Variants in NPSR1 observed in about 807,000 individuals in gnomAD.
The protein encoded by NPSR1 is neuropeptide S receptor.
Under a neutral mutation model 46.9 loss-of-function variants are expected in NPSR1, and 48 were observed. The observed-to-expected ratio is 1.02, with a 90% confidence interval of 0.81 to 1.30. NPSR1 has a LOEUF of 1.30. Among genes scored for constraint, NPSR1 ranks in the 50% most tolerant of loss-of-function variants. NPSR1 has a pLI of 0.00. For missense variants in NPSR1, 450 were observed against 449.5 expected (o/e 1.00, Z -0.01); for synonymous variants, 176 against 168.1 (o/e 1.05, Z -0.36).
chr7:34,708,457 T>C (rs1794217940), intron 2 of NPSR1, among the ~76,000 whole-genome samples: 1 of 152,166 alleles, frequency 6.6e-6, no homozygotes, highest in South Asian at 2.1e-4. Context: ...ACAGGTAAGA[T>C]GGATACTTCA....
chr7:34,781,387 T>C (rs1205660850), intron 3 of NPSR1, among the ~76,000 whole-genome samples: 1 of 152,054 alleles, frequency 6.6e-6, no homozygotes, highest in Non-Finnish European at 1.5e-5. Flanking sequence ...CAAGGGCCCA[T>C]TAAAGAATTT....
intron 3 of NPSR1, among the ~76,000 whole-genome samples, chr7:34,782,917 A>G (rs1035494806): frequency 2.0e-5 from 3 of 152,152 alleles, no homozygotes; most frequent in Admixed American, 6.6e-5. Context: ...AAAACAAAGA[A>G]TTAAAGAGAG....
At chr7:34,814,728 C>CA (rs1278554197) in intron 4 of NPSR1, among the ~76,000 whole-genome samples, 1 of 152,188 alleles carries the variant, frequency 6.6e-6, no homozygotes, top group East Asian at 1.9e-4. Flanking sequence ...TGCTGTTCTG[C>CA]AATATTTGCT....
chr7:34,746,542 G>C (rs1457076670), intron 2 of NPSR1, among the ~76,000 whole-genome samples: 1 of 152,166 alleles, frequency 6.6e-6, no homozygotes, highest in African/African-American at 2.4e-5. Context: ...ATCCCTCACA[G>C]ATAAGGGGAG....
intron 2 of NPSR1, among the ~76,000 whole-genome samples, chr7:34,761,846 T>C (rs1277782346): frequency 6.6e-6 from 1 of 152,224 alleles, no homozygotes; most frequent in South Asian, 2.1e-4. Context: ...CATGCTACCA[T>C]GCCTCAAGAA....
At chr7:34,685,631 C>T (rs150140014) in intron 2 of NPSR1, 250 of 370,166 alleles carry the variant, frequency 6.8e-4, no homozygotes, top group African/African-American at 5.2e-3. Context: ...GGTAGTGGAG[C>T]TCTTTAGAAT....
At chr7:34,833,386 T>G (rs1216849698) in intron 5 of NPSR1, among the ~76,000 whole-genome samples, 5 of 152,176 alleles carry the variant, frequency 3.3e-5, no homozygotes, top group African/African-American at 1.2e-4. Context: ...TAGGCACAGA[T>G]TAAATCATGT....
At chr7:34,751,147 G>T in intron 2 of NPSR1, 1 of 917,142 alleles carries the variant, frequency 1.1e-6, no homozygotes, top group Non-Finnish European at 1.8e-6. Flanking sequence ...TGGCTGAGCA[G>T]GGTCCTGAAG....
At chr7:34,824,742 C>A (rs935879374) in intron 4 of NPSR1, among the ~76,000 whole-genome samples, 4 of 152,120 alleles carry the variant, frequency 2.6e-5, no homozygotes, top group Non-Finnish European at 5.9e-5. Context: ...ACACGTTGCC[C>A]TTAAGAGTGC....
intron 3 of NPSR1, among the ~76,000 whole-genome samples, chr7:34,803,719 G>A (rs325455): frequency 0.48 from 71,195 of 147,196 alleles, 17,261 homozygotes; most frequent in East Asian, 0.55. Context: ...AAGTATAATA[G>A]TAATAAAATA....
In NPSR1 at chr7:34,658,545, T is replaced by C; in HGVS notation, c.133T>C (p.Tyr45His). ...GGAAGGAAAGGAATGGGGTTCCTTCTACTACTCCTTTAAGGTAAGTTTCTT... is the reference window on the plus strand; with the variant it reads ...GGAAGGAAAGGAATGGGGTTCCTTCCACTACTCCTTTAAGGTAAGTTTCTT... ...VVEGKEWGSF[Y>H]YSFKTEQLIT... The change falls in exon 1 of 9, where the codon TAC becomes CAC. Residue 45 changes from tyrosine (Y) to histidine (H), a missense_variant. Transcript: ENST00000360581. The C allele has an allele frequency of 6.2e-6, 10 of 1,614,042 alleles. No individual in the cohort carries two copies. The highest frequency in any genetic ancestry group is 8.5e-6 in the Non-Finnish European group (10 of 1,179,872).
At chr7:34,692,626 T>C (rs1369230040) in intron 2 of NPSR1, among the ~76,000 whole-genome samples, 2 of 151,834 alleles carry the variant, frequency 1.3e-5, no homozygotes, top group Non-Finnish European at 2.9e-5. Flanking sequence ...CAACCTAACA[T>C]TACACCTCTA....
intron 4 of NPSR1, among the ~76,000 whole-genome samples, chr7:34,825,657 C>T (rs944520061): frequency 6.6e-6 from 1 of 152,128 alleles, no homozygotes; most frequent in African/African-American, 2.4e-5. Flanking sequence ...GAAGTGGCCA[C>T]CAGCAAGACC....
chr7:34,847,325 A>G (rs1790770485), intron 7 of NPSR1, among the ~76,000 whole-genome samples: 1 of 152,088 alleles, frequency 6.6e-6, no homozygotes, highest in African/African-American at 2.4e-5. Context: ...TGGTGAGAAA[A>G]TGAGAGATGC....
chr7:34,790,663 AAT>A lies in NPSR1; in HGVS notation c.384+12103_384+12104del, dbSNP rs556972589. Reference sequence around the variant, plus strand: ...TATATATAATATGTATTATGTTATAAATATATGTTATATGTTCTATGTTATAT... The same window carrying A: ...TATATATAATATGTATTATGTTATAAATATGTTATATGTTCTATGTTATAT... On this transcript the variant is annotated intron_variant, in intron 3 of 8. Coordinates refer to ENST00000360581, the MANE Select transcript of NPSR1 (RefSeq NM_207172.2). Among the ~76,000 whole-genome samples the A allele has an allele frequency of 4.8e-3, 488 of 101,688 alleles. 3 individuals are homozygous for A. Among genetic ancestry groups the A allele is most frequent in the African/African-American group, 0.013 (434 of 32,548 alleles). The allele number at this position is 101,688 out of a possible 152,430, so 66.7% of individuals were successfully genotyped here. A position where few individuals can be genotyped will look rare whatever the true frequency, so the allele number is the denominator to read the frequency against.
intron 2 of NPSR1, among the ~76,000 whole-genome samples, chr7:34,763,691 C>T (rs1786289401): frequency 6.6e-6 from 1 of 152,100 alleles, no homozygotes; most frequent in Admixed American, 6.6e-5. Flanking sequence ...GTATAAAGAG[C>T]TTCCCACACC....
At chr7:34,689,299 C>T (rs908073319) in intron 2 of NPSR1, among the ~76,000 whole-genome samples, 1 of 152,174 alleles carries the variant, frequency 6.6e-6, no homozygotes, top group African/African-American at 2.4e-5. Context: ...GGAGGTTGAA[C>T]TGCACAATAC....
intron 1 of NPSR1, among the ~76,000 whole-genome samples, chr7:34,672,372 G>T (rs1792102045): frequency 6.6e-6 from 1 of 152,186 alleles, no homozygotes; most frequent in Non-Finnish European, 1.5e-5. Flanking sequence ...TGCAAGAAGA[G>T]ATTCACGTTA....
At chr7:34,874,646 T>A (rs1365109381) in intron 8 of NPSR1, among the ~76,000 whole-genome samples, 9 of 152,296 alleles carry the variant, frequency 5.9e-5, no homozygotes, top group East Asian at 3.9e-4. Flanking sequence ...GGTTGGATCT[T>A]TGGAGCTTCT....
Sources: allele counts gnomAD v4.1 joint callset (sites outside exome capture counted in the v4.1 genomes callset), GRCh38; gene constraint gnomAD v4.1.1; transcripts MANE v1.5; gene names NCBI Gene and HGNC (gene_info 2026-07-23, HGNC 2026-07-21).